MCTP1: variants seen among roughly 807,000 people sequenced by gnomAD.
MCTP1 encodes multiple C2 and transmembrane domain-containing protein 1.
Under a neutral mutation model 120.6 loss-of-function variants are expected in MCTP1, and 69 were observed. The observed-to-expected ratio is 0.57, with a 90% CI of 0.47 to 0.70. The LOEUF (loss-of-function observed/expected upper bound fraction) is 0.70. MCTP1 is among the 30% of genes least tolerant of loss of function. MCTP1 has a pLI of 0.00. For synonymous variants in MCTP1, 529 were observed against 493.1 expected (o/e 1.07, Z -0.96); for missense variants, 1,203 against 1,248.8 (o/e 0.96, Z 0.55).
chr5:95,178,389 G>A (rs1272400887), intron 1 of MCTP1, among the ~76,000 whole-genome samples: 1 of 152,170 alleles, frequency 6.6e-6, no homozygotes, highest in East Asian at 1.9e-4. Flanking sequence ...TTGCTCTGTC[G>A]CCCAGGCTAG....
At chr5:94,748,581 G>A (rs79436812) in intron 19 of MCTP1, among the ~76,000 whole-genome samples, 2,238 of 152,208 alleles carry the variant, frequency 0.015, 35 homozygotes, top group Middle Eastern at 0.024. Context: ...ATTTCTGTGG[G>A]GCAAGTTTTT....
intron 19 of MCTP1, among the ~76,000 whole-genome samples, chr5:94,756,090 C>T (rs1254048975): frequency 6.6e-6 from 1 of 152,128 alleles, no homozygotes; most frequent in African/African-American, 2.4e-5. Flanking sequence ...TCCTATTAGA[C>T]CTAGGAAATT....
Position 94,870,877 on chromosome 5 carries a change from T to C in MCTP1, c.2236A>G (p.Asn746Asp), listed in dbSNP as rs1393733616. 1 of 1,610,172 alleles carries C rather than the reference T, an allele frequency of 6.2e-7. No individual in the cohort carries two copies. The highest frequency in any genetic ancestry group is 8.5e-7 in the Non-Finnish European group (1 of 1,176,808). The change falls in exon 15 of 23, where the codon AAT becomes GAT. Residue 746 changes from asparagine to aspartate, a missense_variant. Transcript: ENST00000515393. The part of the protein sequence containing the change: ...VIYLEIDVIF[N>D]AVKASLRTLI... ...AAGCCAAAGTTAAGACTTACAGCAT[T>C]AAAAATCACATCTATTTCAAGATAG... is the stretch of plus-strand genomic sequence containing the variant.
intron 6 of MCTP1, among the ~76,000 whole-genome samples, chr5:94,928,491 G>T (rs1477722392): frequency 6.6e-6 from 1 of 152,092 alleles, no homozygotes; most frequent in Non-Finnish European, 1.5e-5. Flanking sequence ...AACACATTTT[G>T]TCACATAAGT....
At chr5:95,098,448 A>G (rs1756444921) in intron 1 of MCTP1, among the ~76,000 whole-genome samples, 1 of 152,208 alleles carries the variant, frequency 6.6e-6, no homozygotes, top group Non-Finnish European at 1.5e-5. Flanking sequence ...TCAATGTACA[A>G]AAATCACAAG....
intron 1 of MCTP1, among the ~76,000 whole-genome samples, chr5:95,113,325 T>C (rs886888832): frequency 3.9e-5 from 6 of 151,902 alleles, no homozygotes; most frequent in African/African-American, 1.5e-4. Context: ...AAAAAGCAGG[T>C]GAGCACTTAT....
chr5:94,922,480 ATGTATATT>A, intron 7 of MCTP1, among the ~76,000 whole-genome samples: 1 of 149,638 alleles, frequency 6.7e-6, no homozygotes, highest in Non-Finnish European at 1.5e-5. Context: ...GAAGTGTGCC[ATGTATATT>A]CCCCCCCTTT....
chr5:94,951,480 C>T (rs1472555261), intron 3 of MCTP1, among the ~76,000 whole-genome samples: 1 of 152,172 alleles, frequency 6.6e-6, no homozygotes, highest in Non-Finnish European at 1.5e-5. Flanking sequence ...CTTCTTTCTT[C>T]TCATGATTTT....
At chr5:95,040,442 CAA>C (rs546825835) in intron 1 of MCTP1, among the ~76,000 whole-genome samples, 35 of 108,574 alleles carry the variant, frequency 3.2e-4, no homozygotes, top group Non-Finnish European at 2.2e-4. Flanking sequence ...GACTCTGTCT[CAA>C]AAAAAAAAAA....
chr5:95,043,790 C>T (rs931157292), intron 1 of MCTP1, among the ~76,000 whole-genome samples: 5 of 152,094 alleles, frequency 3.3e-5, no homozygotes, highest in African/African-American at 9.7e-5. Flanking sequence ...GTGGTTAGTA[C>T]GTGCCCTTTG....
intron 17 of MCTP1, among the ~76,000 whole-genome samples, chr5:94,841,959 T>C (rs1791139150): frequency 6.6e-6 from 1 of 152,194 alleles, no homozygotes; most frequent in African/African-American, 2.4e-5. Flanking sequence ...TTTGAAGACA[T>C]CCTGAGAATT....
intron 17 of MCTP1, 194 bp downstream of exon 17, chr5:94,868,139 G>A (rs1177911670): frequency 2.5e-6 from 1 of 407,316 alleles, no homozygotes; most frequent in Non-Finnish European, 4.1e-6. Flanking sequence ...TCTGAGGGGG[G>A]AAAATGTATT....
intron 2 of MCTP1, among the ~76,000 whole-genome samples, chr5:94,955,513 C>T (rs866500869): frequency 2.0e-5 from 3 of 152,184 alleles, no homozygotes; most frequent in Admixed American, 2.0e-4. Context: ...CTAAGATCCA[C>T]TGGCTTGAAA....
chr5:94,916,042 C>G (rs999784814), intron 8 of MCTP1, among the ~76,000 whole-genome samples: 7 of 152,082 alleles, frequency 4.6e-5, no homozygotes, highest in Non-Finnish European at 7.4e-5. Context: ...CAAAGATATT[C>G]TATTCAGATA....
At chr5:94,707,872 A>G (rs1021681791) in intron 22 of MCTP1, among the ~76,000 whole-genome samples, 4 of 151,804 alleles carry the variant, frequency 2.6e-5, no homozygotes, top group South Asian at 2.1e-4. Flanking sequence ...GGTTTTTTAC[A>G]ATTTATCGTG....
intron 2 of MCTP1, chr5:94,980,852 C>A (rs1829243870): frequency 6.6e-6 from 1 of 152,024 alleles, no homozygotes; most frequent in Non-Finnish European, 1.5e-5. Flanking sequence ...CAGTTGCCAC[C>A]ATCTCCTTGA....
At chr5:95,248,471 A>C (rs1757044844) in intron 1 of MCTP1, among the ~76,000 whole-genome samples, 1 of 152,244 alleles carries the variant, frequency 6.6e-6, no homozygotes, top group African/African-American at 2.4e-5. Flanking sequence ...CAGGATGTGA[A>C]GGATCTCTTT....
chr5:95,284,121 G>A lies in MCTP1; in HGVS notation c.455C>T (p.Ser152Phe), dbSNP rs771297699. The A allele has an allele frequency of 1.9e-6, 3 of 1,551,092 alleles. No homozygotes were observed. The highest frequency in any genetic ancestry group is 3.9e-5 in the Admixed American group (2 of 51,122). Reference protein sequence around the residue: ...AAGGTPPGGRSPDSAPSSSSA... With the variant: ...AAGGTPPGGRFPDSAPSSSSA... ...GGAAGAGGAAGGAGCTGAGTCGGGGGAGCGTCCGCCAGGAGGCGTCCCTCC... is the reference window on the plus strand; with the variant it reads ...GGAAGAGGAAGGAGCTGAGTCGGGGAAGCGTCCGCCAGGAGGCGTCCCTCC... The change falls in exon 1 of 23, where the codon TCC (serine) becomes TTC (phenylalanine). Residue 152 changes from serine to phenylalanine, a missense_variant. Around this residue, in one of 2 missense-constraint regions of MCTP1, gnomAD observed 463 missense variants for 377.8 expected, o/e 1.23. Coordinates refer to ENST00000515393, the MANE Select transcript of MCTP1 (RefSeq NM_024717.7). The surrounding 1 kb of genome is among the most constrained non-coding windows in gnomAD (Gnocchi z 5.2).
At chr5:94,856,976 G>A (rs1333010631) in intron 17 of MCTP1, among the ~76,000 whole-genome samples, 1 of 151,662 alleles carries the variant, frequency 6.6e-6, no homozygotes, top group Non-Finnish European at 1.5e-5. Context: ...AGTCAAGAGA[G>A]AAAGGAGAGA....
Sources: allele counts gnomAD v4.1 joint callset (sites outside exome capture counted in the v4.1 genomes callset), GRCh38; gene constraint gnomAD v4.1.1; regional missense constraint gnomAD v4.1.1; non-coding constraint Gnocchi (gnomAD v3.1); transcripts MANE v1.5; gene names NCBI Gene and HGNC (gene_info 2026-07-23, HGNC 2026-07-21).